The following ABHD17B variants were observed in gnomAD, a reference collection of about 807,000 sequenced individuals.
ABHD17B encodes abhydrolase domain containing 17B, depalmitoylase.
Under a neutral mutation model 26.2 loss-of-function variants are expected in ABHD17B, and 9 were observed. That is an observed-to-expected ratio of 0.34 (90% CI 0.21 to 0.60). ABHD17B has a LOEUF of 0.60. ABHD17B is among the 20% of genes least tolerant of loss of function. The pLI is 0.80. For synonymous variants in ABHD17B, 127 were observed against 122.3 expected, an observed-to-expected ratio of 1.04 and a Z score of -0.25; for missense variants, 224 against 352.1, an observed-to-expected ratio of 0.64 and a Z score of 2.91.
In ABHD17B at chr9:71,882,439, C is replaced by T. The variant is rs897208581; in HGVS notation, c.-3-7356G>A. 2.6e-5 allele frequency among the ~76,000 whole-genome samples: 4 copies of T among 151,946 alleles called. No individual in the cohort carries two copies. In the East Asian group the frequency reaches 7.8e-4, roughly 29 times the overall value. ...TTTGGGAGGCCAAGGCGGGAGAATC[C>T]CCTGAGTTCAGGAGTTCAAGACCAG... is the stretch of plus-strand genomic sequence containing the variant. On this transcript the variant is annotated intron_variant, in intron 1 of 3. Coordinates refer to ENST00000333421, the MANE Select transcript of ABHD17B (RefSeq NM_001025780.3).
chr9:71,872,225 A>C (rs1826134947), intron 2 of ABHD17B, among the ~76,000 whole-genome samples: 1 of 152,180 alleles, frequency 6.6e-6, no homozygotes, highest in Admixed American at 6.5e-5. Context: ...TGAAACTCCA[A>C]CTATATTTTG....
chr9:71,876,860 A>G (rs1187316272), intron 1 of ABHD17B, among the ~76,000 whole-genome samples: 2 of 152,176 alleles, frequency 1.3e-5, no homozygotes, highest in Admixed American at 1.3e-4. Context: ...TCAAAAGGTG[A>G]GGGAAGGGCA....
At position 71,866,817 on chromosome 9, in the gene ABHD17B, C is replaced by T. The variant is rs1252111729; in HGVS notation, c.837G>A (p.Gln279=). ...LYGQYLERLK[Q]FVSQELVNL ...AATTTACCAGTTCCTGTGACACAAA[C>T]TGTTTCAACCTTTCAAGATACTGTC... Residue 279 remains glutamine, a synonymous_variant, in exon 4 of 4, where the codon CAG becomes CAA. Coordinates refer to ENST00000333421, the MANE Select transcript of ABHD17B (RefSeq NM_001025780.3). The T allele has an allele frequency of 6.2e-7, 1 of 1,614,156 alleles. No individual in the cohort carries two copies. Among genetic ancestry groups the T allele is most frequent in the Non-Finnish European group, 8.5e-7 (1 of 1,180,026 alleles).
intron 1 of ABHD17B, among the ~76,000 whole-genome samples, chr9:71,878,279 G>C: frequency 6.6e-6 from 1 of 152,124 alleles, no homozygotes; most frequent in South Asian, 2.1e-4. Context: ...TAAAAGATCA[G>C]GTTGAGTAAT....
At chr9:71,902,781 T>C (rs1240033418) in intron 1 of ABHD17B, among the ~76,000 whole-genome samples, 1 of 152,168 alleles carries the variant, frequency 6.6e-6, no homozygotes, top group Non-Finnish European at 1.5e-5. Context: ...AAACAAAATA[T>C]CTAGGTCACA....
chr9:71,870,277 C>T lies in ABHD17B; in HGVS notation c.468-15G>A, dbSNP rs199695182. ...GAATGCCATATCTACAAAGTTCAGGCGTTAAAAACAAAAACCAAAAAAGTT... is the reference window on the plus strand; with the variant it reads ...GAATGCCATATCTACAAAGTTCAGGTGTTAAAAACAAAAACCAAAAAAGTT... On this transcript the variant is annotated splice_polypyrimidine_tract_variant and intron_variant, in intron 2 of 3. Coordinates refer to ENST00000333421, the MANE Select transcript of ABHD17B (RefSeq NM_001025780.3). 22 of 1,546,324 alleles carry T rather than the reference C, an allele frequency of 1.4e-5. No homozygotes were observed. The highest frequency in any genetic ancestry group is 1.7e-5 in the Non-Finnish European group (20 of 1,149,546).
chr9:71,889,010 C>T (rs1280474024), intron 1 of ABHD17B, among the ~76,000 whole-genome samples: 1 of 147,626 alleles, frequency 6.8e-6, no homozygotes, highest in Non-Finnish European at 1.5e-5. Context: ...TATTACAAGA[C>T]AAAGTTTAAA....
intron 1 of ABHD17B, among the ~76,000 whole-genome samples, chr9:71,907,280 C>T (rs558007626): frequency 3.3e-5 from 5 of 152,052 alleles, no homozygotes; most frequent in African/African-American, 1.2e-4. Context: ...TAAATCTTGG[C>T]CAAGTTGTGT....
At chr9:71,909,255 T>C (rs562482263) in intron 1 of ABHD17B, among the ~76,000 whole-genome samples, 3 of 152,320 alleles carry the variant, frequency 2.0e-5, no homozygotes, top group South Asian at 2.1e-4. Context: ...GGTCAAAATA[T>C]AGGTGAAGGT....
chr9:71,869,937 T>C (rs967426645), intron 3 of ABHD17B, 146 bp downstream of exon 3: 1 of 769,858 alleles, frequency 1.3e-6, no homozygotes, highest in East Asian at 2.8e-5. Flanking sequence ...TAATACCCTC[T>C]TTACAAATTA....
At position 71,866,997 on chromosome 9, in the gene ABHD17B, T is replaced by C. The variant is rs766528806; in HGVS notation, c.657A>G (p.Lys219=). 10 of 1,613,948 alleles carry C rather than the reference T, an allele frequency of 6.2e-6. No individual in the cohort carries two copies. Among genetic ancestry groups the C allele is most frequent in the Non-Finnish European group, 8.5e-6 (10 of 1,179,990 alleles). ...YCFDAFPNID[K]ISKITSPVLI... ...ATACTGGAGAGGTTATCTTAGAGAT[T>C]TTGTCAATGCTGCAGGGAAAAAGGA... The change falls in exon 4 of 4, where the codon AAA becomes AAG. Residue 219 remains lysine (K), a synonymous_variant. Coordinates refer to ENST00000333421, the MANE Select transcript of ABHD17B (RefSeq NM_001025780.3).
At chr9:71,887,788 T>C (rs1193157777) in intron 1 of ABHD17B, among the ~76,000 whole-genome samples, 2 of 152,238 alleles carry the variant, frequency 1.3e-5, no homozygotes, top group African/African-American at 2.4e-5. Flanking sequence ...TAGATCTTTC[T>C]GTTGAACATT....
At chr9:71,881,825 G>A (rs1230513653) in intron 1 of ABHD17B, among the ~76,000 whole-genome samples, 2 of 151,508 alleles carry the variant, frequency 1.3e-5, no homozygotes, top group African/African-American at 4.9e-5. Flanking sequence ...GGTGGAGGTT[G>A]TAGTGAGCTG....
intron 1 of ABHD17B, among the ~76,000 whole-genome samples, chr9:71,885,113 G>A (rs1826566213): frequency 6.6e-6 from 1 of 151,914 alleles, no homozygotes; most frequent in Admixed American, 6.6e-5. Context: ...CTATTCCAGG[G>A]AGGAGGGAAT....
chr9:71,905,186 G>A (rs1169332323), intron 1 of ABHD17B, among the ~76,000 whole-genome samples: 1 of 151,084 alleles, frequency 6.6e-6, no homozygotes, highest in African/African-American at 2.4e-5. Context: ...GTGGTGGCGC[G>A]ATCTCGGCTC....
At chr9:71,904,774 T>C (rs1425485094) in intron 1 of ABHD17B, among the ~76,000 whole-genome samples, 1 of 152,150 alleles carries the variant, frequency 6.6e-6, no homozygotes. Flanking sequence ...GAAAGAGGTG[T>C]CAAATTTTAA....
chr9:71,909,361 C>G (rs753519187), intron 1 of ABHD17B, among the ~76,000 whole-genome samples: 1 of 152,214 alleles, frequency 6.6e-6, no homozygotes, highest in African/African-American at 2.4e-5. Flanking sequence ...GACCCCTATT[C>G]TCCAAATAAA....
intron 3 of ABHD17B, among the ~76,000 whole-genome samples, chr9:71,867,749 T>A (rs1031913481): frequency 1.3e-4 from 20 of 152,066 alleles, no homozygotes; most frequent in Admixed American, 9.8e-4. Flanking sequence ...CCCCCAAGAC[T>A]GGAATGTCTG....
chr9:71,892,463 G>A (rs1462852506), intron 1 of ABHD17B, among the ~76,000 whole-genome samples: 1 of 151,938 alleles, frequency 6.6e-6, no homozygotes. Context: ...AACCCGGGAG[G>A]TGGAGCTTGC....
Sources: allele counts gnomAD v4.1 joint callset (sites outside exome capture counted in the v4.1 genomes callset), GRCh38; gene constraint gnomAD v4.1.1; transcripts MANE v1.5; gene names NCBI Gene and HGNC (gene_info 2026-07-23, HGNC 2026-07-21).